RPE: variants seen among roughly 807,000 people sequenced by gnomAD.
RPE encodes ribulose-5-phosphate-3-epimerase.
A neutral mutation model predicts 24.6 loss-of-function variants in RPE; 16 were observed. The ratio of observed to expected loss-of-function variants is 0.65; its 90% CI spans 0.44 to 0.99. The LOEUF (loss-of-function observed/expected upper bound fraction) is 0.99, where lower values mean the gene tolerates loss of function less well. RPE is among the 50% of genes least tolerant of loss of function. RPE has a pLI of 0.00. For synonymous variants in RPE, 93 were observed against 98.4 expected (o/e 0.94, Z 0.33); for missense variants, 240 against 294.5 (o/e 0.81, Z 1.35).
intron 1 of RPE, among the ~76,000 whole-genome samples, chr2:210,004,879 A>T (rs1208800724): frequency 6.6e-6 from 1 of 152,200 alleles, no homozygotes; most frequent in East Asian, 1.9e-4. Context: ...TTTTGGGAAC[A>T]AAAAAATAAA....
Position 210,016,059 on chromosome 2 carries a change from G to T in RPE, c.289G>T (p.Ala97Ser). The T allele has an allele frequency of 6.2e-7, 1 of 1,614,200 alleles. No individual in the cohort carries two copies. Among genetic ancestry groups the T allele is most frequent in the Non-Finnish European group, 8.5e-7 (1 of 1,180,052 alleles). ...GANQYTFHLE[A>S]TENPGALIKD... is the part of the protein sequence containing the mutation. ...CAATCAGTACACCTTTCATCTCGAGGCTACTGAGAACCCAGGGGCTTTGAT... is the reference window on the plus strand; with the variant it reads ...CAATCAGTACACCTTTCATCTCGAGTCTACTGAGAACCCAGGGGCTTTGAT... The change falls in exon 3 of 6, where the codon GCT becomes TCT. Residue 97 changes from alanine (A) to serine (S), a missense_variant. Physicochemically the swap from Ala to Ser is moderately conservative, Grantham distance 99. Coordinates refer to ENST00000359429, the MANE Select transcript of RPE (RefSeq NM_199229.3).
At position 210,021,417 on chromosome 2, in the gene RPE, C is replaced by T. The variant is rs992422863; in HGVS notation, c.*1626C>T. ...ACGTCGCATTTAATAACAAGCAACA[C>T]ACGGCATATAGAAATAACTTTAATT... is the stretch of plus-strand genomic sequence containing the variant. On this transcript the variant is annotated 3_prime_UTR_variant, in exon 6 of 6. Coordinates refer to ENST00000359429, the MANE Select transcript of RPE (RefSeq NM_199229.3). The T allele has an allele frequency of 6.6e-6, 1 of 152,502 alleles. No homozygotes were observed. The highest frequency in any genetic ancestry group is 1.5e-5 in the Non-Finnish European group (1 of 67,978). 9.4% of individuals were successfully genotyped at this position (152,502 alleles called of 1,614,324 possible). A position where few individuals can be genotyped will look rare whatever the true frequency, so the allele number is the denominator to read the frequency against.
chr2:210,020,146 T>G lies in RPE; in HGVS notation c.*355T>G, dbSNP rs1312105413. ...CAAAAACAAATTTTGTCTGTACTTC[T>G]GAAAAGAATTTTGTTGTTTCTCAGC... On this transcript the variant is annotated 3_prime_UTR_variant, in exon 6 of 6. Transcript: ENST00000359429. 1 of 172,294 alleles carries G rather than the reference T, an allele frequency of 5.8e-6. No individual in the cohort carries two copies. The highest frequency in any genetic ancestry group is 6.4e-5 in the Admixed American group (1 of 15,548). The allele number at this position is 172,294 out of a possible 1,614,324, so 10.7% of individuals were successfully genotyped here.
chr2:210,002,880 C>T, intron 1 of RPE, 97 bp downstream of exon 1: 1 of 1,602,116 alleles, frequency 6.2e-7, no homozygotes, highest in Non-Finnish European at 8.5e-7. Context: ...CCCTGTACCA[C>T]CGAGCGCCTC....
chr2:210,015,714 T>C (rs1299927713), intron 2 of RPE, among the ~76,000 whole-genome samples: 1 of 152,204 alleles, frequency 6.6e-6, no homozygotes, highest in African/African-American at 2.4e-5. Flanking sequence ...GATTTCCTGA[T>C]TTTTAGATGT....
At chr2:210,003,406 A>G in intron 1 of RPE, 1 of 1,257,886 alleles carries the variant, frequency 7.9e-7, no homozygotes, top group Non-Finnish European at 1.0e-6. Flanking sequence ...TCATTATTAC[A>G]ATTCTGATTT....
chr2:210,015,885 G>A, intron 2 of RPE, 88 bp from the exon 3 acceptor site: 1 of 1,408,756 alleles, frequency 7.1e-7, no homozygotes, highest in Non-Finnish European at 9.7e-7. Context: ...GTTCTTATCA[G>A]AAGTGGCAAA....
chr2:210,006,557 A>C (rs1055987786), intron 1 of RPE, among the ~76,000 whole-genome samples: 3 of 152,194 alleles, frequency 2.0e-5, no homozygotes, highest in Admixed American at 6.5e-5. Context: ...AAAAAGTAAA[A>C]GTGTATTTTT....
Position 210,019,764 on chromosome 2 carries a change from T to C in RPE, c.660T>C (p.Ala220=), listed in dbSNP as rs1422413500. The change falls in exon 6 of 6, where the codon GCT becomes GCC. Residue 220 remains alanine, a synonymous_variant. Transcript: ENST00000359429. ...TATTAAGAAATGTTTGCTCAGAAGC[T>C]GCTCAGAAACGTTCTCTTGATCGGT... The part of the protein sequence containing the change: ...INLLRNVCSE[A]AQKRSLDR 8 of 1,613,242 alleles carry C rather than the reference T, an allele frequency of 5.0e-6. No homozygotes were observed. In the African/African-American group the frequency reaches 9.3e-5, roughly 19 times the overall value.
In RPE at chr2:210,021,620, A is replaced by G. The variant is rs553859647; in HGVS notation, c.*1829A>G. The G allele has an allele frequency of 4.6e-5, 7 of 152,676 alleles. No homozygotes were observed. In the East Asian group the frequency reaches 9.6e-4, roughly 21 times the overall value. The allele number at this position is 152,676 out of a possible 1,614,324, so 9.5% of individuals were successfully genotyped here. On this transcript the variant is annotated 3_prime_UTR_variant, in exon 6 of 6. Transcript: ENST00000359429. ...GAATTTTTTACCCCTTAAAAGGACT[A>G]GTATAATTTCCAATCTCTAACAAAA...
In RPE at chr2:210,014,628, T is replaced by TA. The variant is rs879272204; in HGVS notation, c.203-1333dup. On this transcript the variant is annotated intron_variant, in intron 2 of 5. Coordinates refer to ENST00000359429, the MANE Select transcript of RPE (RefSeq NM_199229.3). ...GGAAACAGTGAGAACTCATCTCTATTAAAAAAAAAAAAGTTCTCATACAAT... is the reference window on the plus strand; with the variant it reads ...GGAAACAGTGAGAACTCATCTCTATTAAAAAAAAAAAAAGTTCTCATACAAT... Among the ~76,000 whole-genome samples, 311 of 142,924 alleles carry TA rather than the reference T, an allele frequency of 2.2e-3. 2 individuals are homozygous for TA. Among genetic ancestry groups the TA allele is most frequent in the East Asian group, 9.4e-3 (47 of 5,002 alleles). The allele number at this position is 142,924 out of a possible 152,430, so 93.8% of individuals were successfully genotyped here.
chr2:210,010,336 C>G (rs560551182), intron 2 of RPE, among the ~76,000 whole-genome samples: 159 of 152,360 alleles, frequency 1.0e-3, no homozygotes, highest in Admixed American at 2.0e-3. Context: ...TAGTGGCCTA[C>G]AAGTGATTTA....
rs944703600 is a variant in RPE at position 210,021,475 on chromosome 2, C to T, written c.*1684C>T. 9 of 152,590 alleles carry T rather than the reference C, an allele frequency of 5.9e-5. No homozygotes were observed. The highest frequency in any genetic ancestry group is 3.9e-4 in the East Asian group (2 of 5,192). 9.5% of individuals were successfully genotyped at this position (152,590 alleles called of 1,614,324 possible). On this transcript the variant is annotated 3_prime_UTR_variant, in exon 6 of 6. Transcript: ENST00000359429. ...TTACATAGAAGATTATAATATCAGA[C>T]GTGACAAAGATTTGAGTTTATTTGC... is the stretch of plus-strand genomic sequence containing the variant.
At position 210,018,963 on chromosome 2, in the gene RPE, TCCC is replaced by T. The variant is rs2093817644; in HGVS notation, c.565-705_565-703del. 2.6e-5 allele frequency among the ~76,000 whole-genome samples: 4 copies of T among 152,190 alleles called. 1 individual carries two copies. In the South Asian group the frequency reaches 8.3e-4, roughly 32 times the overall value. On this transcript the variant is annotated intron_variant, in intron 5 of 5. Coordinates refer to ENST00000359429, the MANE Select transcript of RPE (RefSeq NM_199229.3). Reference sequence around the variant, plus strand: ...AAAAATTTTCCTCAGCCTGTGGTTCTCCCACTTCTCCCTCTTTGTTCTAGCAAT... The same window carrying T: ...AAAAATTTTCCTCAGCCTGTGGTTCTACTTCTCCCTCTTTGTTCTAGCAAT...
intron 5 of RPE, 47 bp downstream of exon 5, chr2:210,017,606 T>C (rs947300100): frequency 6.4e-7 from 1 of 1,554,062 alleles, no homozygotes; most frequent in Non-Finnish European, 8.9e-7. Flanking sequence ...CCGTCAAATA[T>C]GTCTCCAGGA....
At position 210,016,596 on chromosome 2, in the gene RPE, A is replaced by G. The variant is rs2093775513; in HGVS notation, c.432A>G (p.Glu144=). The change falls in exon 4 of 6, where the codon GAA becomes GAG. Residue 144 remains glutamate (E), a synonymous_variant. Transcript: ENST00000359429. ...ATATGGCCTTGGTTATGACAGTGGA[A>G]CCGGGGTTTGGAGGGCAGAAATTCA... ...QIDMALVMTV[E]PGFGGQKFME... 1 of 1,614,216 alleles carries G rather than the reference A, an allele frequency of 6.2e-7. No homozygotes were observed. Among genetic ancestry groups the G allele is most frequent in the African/African-American group, 1.3e-5 (1 of 75,060 alleles).
At chr2:210,017,983 G>A (rs1559483346) in intron 5 of RPE, 8 of 650,402 alleles carry the variant, frequency 1.2e-5, no homozygotes, top group South Asian at 2.0e-5. Context: ...GACCTCAAGT[G>A]ACCTGCCTGC....
intron 4 of RPE, 57 bp from the exon 5 acceptor site, chr2:210,017,416 C>A: frequency 3.0e-6 from 3 of 997,394 alleles, no homozygotes; most frequent in South Asian, 1.4e-5. Context: ...CCCCCACCCC[C>A]ACCCCCACCA....
At position 210,020,700 on chromosome 2, in the gene RPE, ATTATATAAGTTTATATTTTTGTGAG is replaced by A. The variant is rs2093843900; in HGVS notation, c.*915_*939del. 1 of 166,254 alleles carries A rather than the reference ATTATATAAGTTTATATTTTTGTGAG, an allele frequency of 6.0e-6. No individual in the cohort carries two copies. The highest frequency in any genetic ancestry group is 2.1e-4 in the South Asian group (1 of 4,838). The allele number at this position is 166,254 out of a possible 1,614,324, so 10.3% of individuals were successfully genotyped here. A position where few individuals can be genotyped will look rare whatever the true frequency, so the allele number is the denominator to read the frequency against. ...ATATGCTCAACACAAAGTAAACAGC[ATTATATAAGTTTATATTTTTGTGAG>A]TTATAAAGTACTTTGATATATTCTC... On this transcript the variant is annotated 3_prime_UTR_variant, in exon 6 of 6. Coordinates refer to ENST00000359429, the MANE Select transcript of RPE (RefSeq NM_199229.3).
Sources: gnomAD v4.1 joint callset for allele counts (sites outside exome capture counted in the v4.1 genomes callset) on GRCh38, gnomAD v4.1.1 for gene constraint, MANE v1.5 for transcripts, NCBI Gene and HGNC (gene_info 2026-07-23, HGNC 2026-07-21) for gene names.